Variants in FBXL7 observed in about 807,000 individuals in gnomAD.
The protein encoded by FBXL7 is F-box/LRR-repeat protein 7.
FBXL7 carries 12 observed loss-of-function variants against 38.3 expected under a neutral mutation model. The ratio of observed to expected loss-of-function variants is 0.31; its 90% CI spans 0.20 to 0.51. FBXL7 has a LOEUF of 0.51. Ranked by LOEUF, FBXL7 falls within the 20% of genes least tolerant of loss-of-function variation. The probability of loss-of-function intolerance (pLI) is 0.98; values close to 1 mark genes in which losing one functional copy is unlikely to be tolerated. For missense variants in FBXL7, 567 were observed against 676.4 expected (o/e 0.84, Z 1.79); for synonymous variants, 297 against 300.9 (o/e 0.99, Z 0.13).
At chr5:15,792,083 T>A (rs1422137581) in intron 2 of FBXL7, among the ~76,000 whole-genome samples, 2 of 152,194 alleles carry the variant, frequency 1.3e-5, no homozygotes, top group African/African-American at 2.4e-5. Flanking sequence ...ACCACTGTGA[T>A]GTTATGATAA....
chr5:15,590,685 T>G (rs560974944), intron 1 of FBXL7, among the ~76,000 whole-genome samples: 1 of 152,150 alleles, frequency 6.6e-6, no homozygotes, highest in Non-Finnish European at 1.5e-5. Context: ...CAACTTGCCT[T>G]TATTTATAGC....
At chr5:15,549,945 G>C (rs979434017) in intron 1 of FBXL7, among the ~76,000 whole-genome samples, 3 of 152,168 alleles carry the variant, frequency 2.0e-5, no homozygotes, top group Non-Finnish European at 4.4e-5. Context: ...TAGAAACGTA[G>C]GCCTGCAGGC....
rs372638762 is a variant in FBXL7, at chr5:15,752,527, T to C, written c.127+136455T>C. Among the ~76,000 whole-genome samples the C allele has an allele frequency of 2.4e-3, 372 of 152,150 alleles. 2 individuals are homozygous for C. The highest frequency in any genetic ancestry group is 8.5e-3 in the African/African-American group (354 of 41,492). Reference sequence around the variant, plus strand: ...TGCATTTTATTTTATTTTATTTTTATCCCAAGCCATTGGATTTCTCTGACC... The same window carrying C: ...TGCATTTTATTTTATTTTATTTTTACCCCAAGCCATTGGATTTCTCTGACC... On this transcript the variant is annotated intron_variant, in intron 2 of 3. Transcript: ENST00000504595.
intron 2 of FBXL7, among the ~76,000 whole-genome samples, chr5:15,919,865 C>G (rs1301289485): frequency 3.3e-5 from 5 of 152,184 alleles, no homozygotes; most frequent in African/African-American, 4.8e-5. Flanking sequence ...AGCCATTTTT[C>G]TCTCACCCTG....
chr5:15,532,964 G>A (rs565203331), intron 1 of FBXL7, among the ~76,000 whole-genome samples: 1 of 152,232 alleles, frequency 6.6e-6, no homozygotes, highest in Non-Finnish European at 1.5e-5. Context: ...GTTGAATGGT[G>A]AGTGGAGTTG....
chr5:15,711,204 C>T (rs62350560), intron 2 of FBXL7, among the ~76,000 whole-genome samples: 32 of 152,282 alleles, frequency 2.1e-4, no homozygotes, highest in African/African-American at 5.8e-4. Flanking sequence ...TTATCAGCAG[C>T]GTGAGAATGG....
At chr5:15,755,029 T>A (rs1225009184) in intron 2 of FBXL7, among the ~76,000 whole-genome samples, 1 of 152,200 alleles carries the variant, frequency 6.6e-6, no homozygotes, top group African/African-American at 2.4e-5. Flanking sequence ...TAAAGGGGAA[T>A]GGCTTGAGTT....
At chr5:15,597,194 T>C (rs893124814) in intron 1 of FBXL7, among the ~76,000 whole-genome samples, 2 of 152,166 alleles carry the variant, frequency 1.3e-5, no homozygotes, top group African/African-American at 2.4e-5. Context: ...TGCTGCAGAA[T>C]TGATTGCTTG....
chr5:15,631,238 G>A (rs540669989), intron 2 of FBXL7, among the ~76,000 whole-genome samples: 62 of 152,218 alleles, frequency 4.1e-4, no homozygotes, highest in Admixed American at 3.6e-3. Context: ...ATTCAATTCA[G>A]TTATATATGT....
intron 2 of FBXL7, among the ~76,000 whole-genome samples, chr5:15,770,853 A>G (rs999947028): frequency 1.3e-5 from 2 of 152,116 alleles, no homozygotes; most frequent in Admixed American, 6.5e-5. Context: ...TCGCTACACC[A>G]CACAGCCTCT....
chr5:15,817,243 T>C (rs977855150), intron 2 of FBXL7, among the ~76,000 whole-genome samples: 1 of 152,128 alleles, frequency 6.6e-6, no homozygotes, highest in Non-Finnish European at 1.5e-5. Context: ...AAATAGTCTT[T>C]TAAGGACAAA....
At chr5:15,678,851 T>C (rs192422556) in intron 2 of FBXL7, among the ~76,000 whole-genome samples, 63 of 152,334 alleles carry the variant, frequency 4.1e-4, no homozygotes, top group African/African-American at 1.4e-3. Flanking sequence ...ATTAAATCTC[T>C]TTCTCTATAT....
intron 1 of FBXL7, among the ~76,000 whole-genome samples, chr5:15,562,652 ATCTC>A (rs1366682400): frequency 6.6e-6 from 1 of 150,494 alleles, no homozygotes; most frequent in Non-Finnish European, 1.5e-5. Flanking sequence ...CCCTCCCTAT[ATCTC>A]TCTCCCTCAG....
chr5:15,728,308 A>T (rs1743251023), intron 2 of FBXL7, among the ~76,000 whole-genome samples: 5 of 152,110 alleles, frequency 3.3e-5, no homozygotes, highest in Admixed American at 3.3e-4. Flanking sequence ...TTAAAATTGT[A>T]CATCTGAATC....
chr5:15,758,621 A>G (rs548742592), intron 2 of FBXL7, among the ~76,000 whole-genome samples: 5 of 152,314 alleles, frequency 3.3e-5, no homozygotes, highest in African/African-American at 1.2e-4. Context: ...ATCTATTTAT[A>G]TAGAAAGCTT....
intron 2 of FBXL7, among the ~76,000 whole-genome samples, chr5:15,813,554 A>G (rs1737926572): frequency 6.6e-6 from 1 of 152,220 alleles, no homozygotes. Context: ...AGCAATGGCA[A>G]CAAAAGCCAA....
chr5:15,651,260 C>G (rs1428545021), intron 2 of FBXL7, among the ~76,000 whole-genome samples: 2 of 152,016 alleles, frequency 1.3e-5, no homozygotes, highest in East Asian at 3.9e-4. Flanking sequence ...TCATGCCTGG[C>G]TAATTTTTTA....
chr5:15,900,582 T>C (rs1741211169), intron 2 of FBXL7, among the ~76,000 whole-genome samples: 1 of 151,750 alleles, frequency 6.6e-6, no homozygotes, highest in Non-Finnish European at 1.5e-5. Flanking sequence ...TTTGGATTCC[T>C]TTAGAAGTCA....
intron 2 of FBXL7, among the ~76,000 whole-genome samples, chr5:15,732,022 A>G (rs1211301425): frequency 6.6e-6 from 1 of 152,180 alleles, no homozygotes. Context: ...GGAGGAATTC[A>G]CTTGTTCCAT....
Sources: allele counts gnomAD v4.1 joint callset (sites outside exome capture counted in the v4.1 genomes callset), GRCh38; gene constraint gnomAD v4.1.1; transcripts MANE v1.5; gene names NCBI Gene and HGNC (gene_info 2026-07-23, HGNC 2026-07-21).